LRTM1: variants seen among roughly 807,000 people sequenced by gnomAD.
LRTM1 encodes the protein leucine rich repeat transmembrane protein 1, also known as leucine-rich repeat and transmembrane domain-containing protein 1.
LRTM1 carries 38 observed loss-of-function variants against 32.4 expected under a neutral mutation model. The observed-to-expected ratio is 1.17, with a 90% confidence interval of 0.91 to 1.54. The LOEUF is 1.54. Among genes scored for constraint, LRTM1 ranks in the 40% most tolerant of loss-of-function variants. The pLI is 0.00. For synonymous variants in LRTM1, 186 were observed against 169.9 expected, an observed-to-expected ratio of 1.09 and a Z score of -0.74; for missense variants, 466 against 415.4, an observed-to-expected ratio of 1.12 and a Z score of -1.06.
At chr3:54,922,565 G>C (rs1049149082) in intron 2 of LRTM1, among the ~76,000 whole-genome samples, 2 of 152,030 alleles carry the variant, frequency 1.3e-5, no homozygotes, top group African/African-American at 4.8e-5. Flanking sequence ...TTGTTGAGAA[G>C]GATTTATTCA....
intron 2 of LRTM1, among the ~76,000 whole-genome samples, chr3:54,922,738 C>T (rs115707638): frequency 0.015 from 2,320 of 152,154 alleles, 66 homozygotes; most frequent in African/African-American, 0.053. Flanking sequence ...AACGACTCCC[C>T]ATGGATATGT....
chr3:54,933,893 G>A (rs557345877), intron 1 of LRTM1, among the ~76,000 whole-genome samples: 8 of 151,642 alleles, frequency 5.3e-5, no homozygotes, highest in African/African-American at 1.5e-4. Context: ...CTCAGCCTCC[G>A]GAGTAGCTGG....
intron 1 of LRTM1, among the ~76,000 whole-genome samples, chr3:54,960,396 G>T (rs1702003133): frequency 6.6e-6 from 1 of 152,094 alleles, no homozygotes; most frequent in Non-Finnish European, 1.5e-5. Flanking sequence ...TCATTTAGGG[G>T]TTACATTTAA....
chr3:54,931,122 T>C (rs1430664018), upstream of LRTM1, among the ~76,000 whole-genome samples: 1 of 152,076 alleles, frequency 6.6e-6, no homozygotes, highest in Non-Finnish European at 1.5e-5. Flanking sequence ...CAAAGTGGCA[T>C]CTCTTACTAG....
chr3:54,949,699 G>A (rs1269166490), intron 1 of LRTM1, among the ~76,000 whole-genome samples: 1 of 152,132 alleles, frequency 6.6e-6, no homozygotes, highest in East Asian at 1.9e-4. Context: ...GTTGGTCAGG[G>A]CCTCAGAAAA....
chr3:54,924,530 C>T (rs1700954014), intron 2 of LRTM1, 89 bp downstream of exon 2: 1 of 1,119,702 alleles, frequency 8.9e-7, no homozygotes, highest in Non-Finnish European at 1.3e-6. Flanking sequence ...TTACACACTC[C>T]TCCACATTCT....
chr3:54,938,041 A>G (rs113963753), intron 1 of LRTM1, among the ~76,000 whole-genome samples: 246 of 152,356 alleles, frequency 1.6e-3, no homozygotes, highest in African/African-American at 5.7e-3. Context: ...TTTCACAAGC[A>G]TTATGAAATC....
chr3:54,956,869 A>C (rs1701910379), intron 1 of LRTM1, among the ~76,000 whole-genome samples: 1 of 152,130 alleles, frequency 6.6e-6, no homozygotes, highest in Non-Finnish European at 1.5e-5. Context: ...CACCGAGAGC[A>C]CACTACATCT....
In LRTM1 at chr3:54,925,217, T is replaced by C. The variant is rs200601938; in HGVS notation, c.8-2A>G. 3.1e-6 allele frequency: 5 copies of C among 1,604,654 alleles called. No homozygotes were observed. The highest frequency in any genetic ancestry group is 4.3e-6 in the Non-Finnish European group (5 of 1,172,962). On this transcript the variant is annotated splice_acceptor_variant, in intron 1 of 2. Coordinates refer to ENST00000273286, the MANE Select transcript of LRTM1 (RefSeq NM_020678.4). LOFTEE classifies it high-confidence loss of function. ...CACTGGAAAACAGGAGCAGTTCACC[T>C]ACAACAAACAGAAAGAAATTGGGAT...
intron 1 of LRTM1, among the ~76,000 whole-genome samples, chr3:54,959,699 C>T (rs1285420702): frequency 2.0e-5 from 3 of 151,884 alleles, no homozygotes; most frequent in African/African-American, 4.8e-5. Context: ...CAATGAAGCC[C>T]GAGGCTTAAA....
rs1191222333 is a variant in LRTM1, at chr3:54,918,715, T to C, written c.782A>G (p.His261Arg). Residue 261 changes from histidine to arginine, a missense_variant, in exon 3 of 3, where the codon CAC (histidine) becomes CGC (arginine). Transcript: ENST00000273286. ...HGVVLRPPEN[H>R]NAGERELLEC... is the part of the protein sequence containing the mutation. ...CAAGAGTTCTCGCTCCCCCGCGTTG[T>C]GGTTCTCAGGAGGCCTCAGGACCAC... 6.2e-7 allele frequency: 1 copy of C among 1,614,126 alleles called. No homozygotes were observed. Among genetic ancestry groups the C allele is most frequent in the Admixed American group, 1.7e-5 (1 of 60,020 alleles).
At chr3:54,948,768 A>C (rs1701680441) in intron 1 of LRTM1, among the ~76,000 whole-genome samples, 1 of 152,248 alleles carries the variant, frequency 6.6e-6, no homozygotes, top group Non-Finnish European at 1.5e-5. Context: ...AGATCTCTAT[A>C]CATGAAGATA....
chr3:54,925,250 A>C (rs1261527665), intron 1 of LRTM1, 35 bp from the exon 2 acceptor site: 11 of 1,554,780 alleles, frequency 7.1e-6, no homozygotes, highest in Non-Finnish European at 8.8e-7. Context: ...GATAGGAACC[A>C]GTTTGTGAGG....
At chr3:54,939,485 C>T (rs994332009) in intron 1 of LRTM1, among the ~76,000 whole-genome samples, 13 of 152,196 alleles carry the variant, frequency 8.5e-5, no homozygotes, top group African/African-American at 2.7e-4. Flanking sequence ...TGTAGGTTCC[C>T]GCTGCCCATT....
chr3:54,923,070 C>T (rs1034062526), intron 2 of LRTM1, among the ~76,000 whole-genome samples: 1 of 152,178 alleles, frequency 6.6e-6, no homozygotes, highest in Non-Finnish European at 1.5e-5. Context: ...CCTCATCTCC[C>T]TGGTTCTTCT....
intron 2 of LRTM1, among the ~76,000 whole-genome samples, chr3:54,921,848 G>C (rs1700859748): frequency 1.3e-5 from 2 of 151,910 alleles, no homozygotes; most frequent in African/African-American, 4.8e-5. Context: ...ACTAAAGTCT[G>C]GGCTAGTCTG....
At chr3:54,923,536 T>C (rs1700914436) in intron 2 of LRTM1, among the ~76,000 whole-genome samples, 1 of 152,234 alleles carries the variant, frequency 6.6e-6, no homozygotes, top group South Asian at 2.1e-4. Flanking sequence ...CTAACTGCTA[T>C]TCTAAACATG....
At chr3:54,962,421 C>T (rs4955912) in intron 1 of LRTM1, among the ~76,000 whole-genome samples, 59,971 of 151,992 alleles carry the variant, frequency 0.39, 13,508 homozygotes, top group East Asian at 0.54. Flanking sequence ...GCATGAAAGG[C>T]ATATTAGCCA....
intron 1 of LRTM1, among the ~76,000 whole-genome samples, chr3:54,945,524 C>G (rs1453741024): frequency 1.3e-5 from 2 of 152,190 alleles, no homozygotes; most frequent in South Asian, 2.1e-4. Context: ...GAAATACAGA[C>G]TTTGAGGAGG....
Sources: allele counts gnomAD v4.1 joint callset (sites outside exome capture counted in the v4.1 genomes callset), GRCh38; gene constraint gnomAD v4.1.1; transcripts MANE v1.5; gene names NCBI Gene and HGNC (gene_info 2026-07-23, HGNC 2026-07-21).